Variants in DPP6 observed in about 807,000 individuals in gnomAD.
DPP6 encodes the protein dipeptidyl peptidase like 6, also known as A-type potassium channel modulatory protein DPP6.
DPP6 carries 69 observed loss-of-function variants against 122.6 expected under a neutral mutation model. The observed-to-expected ratio is 0.56, with a 90% CI of 0.46 to 0.69. The LOEUF (loss-of-function observed/expected upper bound fraction) is 0.69. DPP6 is among the 30% of genes least tolerant of loss of function. The probability of loss-of-function intolerance (pLI) is 0.00; values close to 1 mark genes in which losing one functional copy is unlikely to be tolerated. For synonymous variants in DPP6, 418 were observed against 433.1 expected (o/e 0.97, Z 0.43); for missense variants, 928 against 1,116.9 (o/e 0.83, Z 2.41).
chr7:153,997,206 T>C (rs1477091260), intron 1 of DPP6, among the ~76,000 whole-genome samples: 1 of 152,072 alleles, frequency 6.6e-6, no homozygotes, highest in Non-Finnish European at 1.5e-5. Context: ...AACCCCACCA[T>C]GAAATGCAGT....
chr7:154,034,366 A>G (rs116066333), intron 1 of DPP6, among the ~76,000 whole-genome samples: 2,549 of 152,218 alleles, frequency 0.017, 66 homozygotes, highest in African/African-American at 0.059. Context: ...AGCCTGTTCA[A>G]GTTCACACAG....
chr7:154,385,479 A>G (rs1365909543), intron 1 of DPP6, among the ~76,000 whole-genome samples: 2 of 152,188 alleles, frequency 1.3e-5, no homozygotes, highest in African/African-American at 4.8e-5. Flanking sequence ...CTGTGAGACT[A>G]AAGTCCCTCA....
intron 1 of DPP6, among the ~76,000 whole-genome samples, chr7:154,153,001 G>C (rs1340874706): frequency 6.6e-6 from 1 of 152,208 alleles, no homozygotes; most frequent in African/African-American, 2.4e-5. Context: ...TACATAAAAA[G>C]CATAAAACCC....
At chr7:153,803,297 G>A in the DPP6 span, among the ~76,000 whole-genome samples, 4 of 149,294 alleles carry the variant, frequency 2.7e-5, no homozygotes, top group South Asian at 2.2e-4. Flanking sequence ...CATTATTTTG[G>A]GGTGTGTGTG....
chr7:154,058,721 C>A (rs1167203181), intron 1 of DPP6: 1 of 150,858 alleles, frequency 6.6e-6, no homozygotes, highest in East Asian at 2.0e-4. Flanking sequence ...ACGGCAGGTA[C>A]CTTACGTGGG....
chr7:153,961,722 A>G (rs1795362594), intron 1 of DPP6, among the ~76,000 whole-genome samples: 1 of 147,858 alleles, frequency 6.8e-6, no homozygotes, highest in Admixed American at 6.8e-5. Flanking sequence ...TCCTGCAACT[A>G]GACAGTCGCA....
At chr7:153,864,500 C>A in the DPP6 span, among the ~76,000 whole-genome samples, 2 of 151,814 alleles carry the variant, frequency 1.3e-5, no homozygotes, top group East Asian at 3.9e-4. Context: ...ACTAAAAATA[C>A]CAAAAATTAG....
chr7:154,475,744 A>T (rs1308528690), intron 3 of DPP6: 2 of 152,446 alleles, frequency 1.3e-5, no homozygotes, highest in Non-Finnish European at 2.9e-5. Context: ...TCCACAGGCC[A>T]AGTTGCCAGC....
intron 21 of DPP6, 170 bp downstream of exon 21, chr7:154,881,112 T>C: frequency 1.8e-6 from 2 of 1,128,416 alleles, no homozygotes; most frequent in South Asian, 2.5e-5. Context: ...GGAGGTTTCA[T>C]TTGATCAGCT....
chr7:154,402,795 T>C (rs1586171733), intron 1 of DPP6, among the ~76,000 whole-genome samples: 1 of 138,612 alleles, frequency 7.2e-6, no homozygotes, highest in Admixed American at 6.8e-5. Flanking sequence ...AAAATAAAAA[T>C]AAAACTCTGG....
At chr7:154,015,293 C>G (rs1403621185) in intron 1 of DPP6, among the ~76,000 whole-genome samples, 1 of 152,054 alleles carries the variant, frequency 6.6e-6, no homozygotes, top group Non-Finnish European at 1.5e-5. Flanking sequence ...TTCTGTCTTC[C>G]CGCGTGACCT....
At chr7:154,421,483 C>G (rs1182767408) in intron 1 of DPP6, among the ~76,000 whole-genome samples, 4 of 152,062 alleles carry the variant, frequency 2.6e-5, no homozygotes, top group Non-Finnish European at 2.9e-5. Flanking sequence ...CCACCACGCC[C>G]AGCTAACTTT....
chr7:153,970,631 A>C (rs541629804), intron 1 of DPP6, among the ~76,000 whole-genome samples: 2 of 152,316 alleles, frequency 1.3e-5, no homozygotes, highest in South Asian at 4.1e-4. Context: ...TAATTTGCAC[A>C]TTTAGCTCTG....
At chr7:153,805,681 C>G in the DPP6 span, among the ~76,000 whole-genome samples, 3 of 152,086 alleles carry the variant, frequency 2.0e-5, no homozygotes, top group East Asian at 1.9e-4. Context: ...CCATAAAAAT[C>G]ATAAGTTCAT....
At chr7:154,774,563 G>A (rs1587097806) in intron 10 of DPP6, among the ~76,000 whole-genome samples, 3 of 152,194 alleles carry the variant, frequency 2.0e-5, no homozygotes, top group African/African-American at 7.2e-5. Flanking sequence ...CTGGGCTTCA[G>A]GTTTTCTGGT....
intron 7 of DPP6, among the ~76,000 whole-genome samples, chr7:154,692,407 G>A (rs549753661): frequency 3.7e-4 from 57 of 152,218 alleles, no homozygotes; most frequent in Non-Finnish European, 6.5e-4. Flanking sequence ...CAAGTACAGA[G>A]TAGGCCTCAA....
upstream of DPP6, among the ~76,000 whole-genome samples, chr7:153,884,910 G>A (rs1204361291): frequency 5.3e-5 from 8 of 150,812 alleles, no homozygotes; most frequent in African/African-American, 2.0e-4. Flanking sequence ...AACCTGGGAG[G>A]CGGAGGTTGC....
intron 1 of DPP6, among the ~76,000 whole-genome samples, chr7:154,128,300 C>G (rs1808083111): frequency 6.6e-6 from 1 of 152,076 alleles, no homozygotes; most frequent in African/African-American, 2.4e-5. Context: ...AATAAAAAGG[C>G]TAGACATGGT....
intron 1 of DPP6, among the ~76,000 whole-genome samples, chr7:154,162,490 A>C (rs1025696464): frequency 6.6e-6 from 1 of 152,204 alleles, no homozygotes; most frequent in South Asian, 2.1e-4. Flanking sequence ...ATTTCCCAGG[A>C]TCCATTCCAT....
Sources: allele counts gnomAD v4.1 joint callset (sites outside exome capture counted in the v4.1 genomes callset), GRCh38; gene constraint gnomAD v4.1.1; transcripts MANE v1.5; gene names NCBI Gene and HGNC (gene_info 2026-07-23, HGNC 2026-07-21).